Variants in IL7 observed in about 807,000 individuals in gnomAD.
IL7 encodes the protein interleukin-7.
IL7 carries 3 observed loss-of-function variants against 21.6 expected under a neutral mutation model. The observed-to-expected ratio is 0.14, with a 90% CI of 0.06 to 0.36. IL7 has a LOEUF of 0.36. IL7 is among the 10% of genes least tolerant of loss of function. The pLI, the probability that IL7 is intolerant of heterozygous loss-of-function variation, is 1.00. For missense variants in IL7, 175 were observed against 200.2 expected (o/e 0.87, Z 0.76); for synonymous variants, 62 against 68.1 (o/e 0.91, Z 0.44).
intron 3 of IL7, among the ~76,000 whole-genome samples, chr8:78,726,384 T>C (rs746356253): frequency 1.1e-4 from 17 of 151,870 alleles, no homozygotes; most frequent in Non-Finnish European, 1.9e-4. Context: ...ACCTCTGGAA[T>C]GGTGTGTGTG....
chr8:78,798,273 T>G, intron 1 of IL7, 65 bp from the exon 2 acceptor site: 1 of 1,154,424 alleles, frequency 8.7e-7, no homozygotes, highest in Non-Finnish European at 1.2e-6. Flanking sequence ...TTGTGGGGTT[T>G]CAATGGACTG....
intron 2 of IL7, among the ~76,000 whole-genome samples, chr8:78,788,000 C>T (rs1173676690): frequency 6.6e-6 from 1 of 152,116 alleles, no homozygotes; most frequent in Non-Finnish European, 1.5e-5. Context: ...TGCTGGCAAT[C>T]CTTGGTGTTC....
intron 3 of IL7, among the ~76,000 whole-genome samples, chr8:78,706,630 A>G (rs1222221813): frequency 2.0e-5 from 3 of 152,078 alleles, no homozygotes; most frequent in African/African-American, 7.2e-5. Flanking sequence ...CTGTGGGTCA[A>G]GTTGTTTCCT....
intron 5 of IL7, among the ~76,000 whole-genome samples, chr8:78,720,319 GGTAA>G (rs1488525414): frequency 2.6e-5 from 4 of 151,564 alleles, no homozygotes; most frequent in Non-Finnish European, 5.9e-5. Flanking sequence ...TATTTTACAT[GGTAA>G]GTATTTTTTA....
chr8:78,687,949 A>G (rs904273088), intron 3 of IL7, among the ~76,000 whole-genome samples: 1 of 143,758 alleles, frequency 7.0e-6, no homozygotes, highest in African/African-American at 2.5e-5. Context: ...TTATATATAA[A>G]CTATATCTAT....
intron 5 of IL7, among the ~76,000 whole-genome samples, chr8:78,720,819 A>G (rs1811222653): frequency 6.6e-6 from 1 of 151,972 alleles, no homozygotes; most frequent in African/African-American, 2.4e-5. Flanking sequence ...ACTCCTTGAA[A>G]TATTACTTTA....
chr8:78,702,754 T>C (rs1185996274), intron 3 of IL7, among the ~76,000 whole-genome samples: 3 of 152,198 alleles, frequency 2.0e-5, no homozygotes, highest in African/African-American at 7.2e-5. Context: ...TCAATTTATA[T>C]GTAGTTGTAG....
At chr8:78,758,159 G>A (rs1291934102) in intron 2 of IL7, among the ~76,000 whole-genome samples, 1 of 152,002 alleles carries the variant, frequency 6.6e-6, no homozygotes, top group Non-Finnish European at 1.5e-5. Flanking sequence ...TACCCATGAT[G>A]TGAATTTCTT....
chr8:78,764,442 A>T (rs1812684776), intron 2 of IL7, among the ~76,000 whole-genome samples: 1 of 152,068 alleles, frequency 6.6e-6, no homozygotes, highest in Non-Finnish European at 1.5e-5. Context: ...ATTTTTTTAA[A>T]TTGGTAAAAA....
Position 78,740,010 on chromosome 8 carries a change from C to T in IL7, c.220G>A (p.Ala74Thr), listed in dbSNP as rs770481768. 2.6e-6 allele frequency: 4 copies of T among 1,529,904 alleles called. No individual in the cohort carries two copies. Among genetic ancestry groups the T allele is most frequent in the Non-Finnish European group, 3.5e-6 (4 of 1,145,842 alleles). The allele number at this position is 1,529,904 out of a possible 1,614,324, so 94.8% of individuals were successfully genotyped here. ...CAAATAATTATCATTACCTTATTAG[C>T]ATCACAGATATGTCTTTTAAAAAAG... is the stretch of plus-strand genomic sequence containing the variant. ...FNFFKRHICD[A>T]NKEGMFLFRA... Residue 74 changes from alanine to threonine, a missense_variant, in exon 3 of 6, where the codon GCT becomes ACT. Ala to Thr is a moderately conservative substitution (Grantham distance 58). Coordinates refer to ENST00000263851, the MANE Select transcript of IL7 (RefSeq NM_000880.4).
intron 2 of IL7, among the ~76,000 whole-genome samples, chr8:78,746,160 A>G (rs1811971685): frequency 6.6e-6 from 1 of 152,208 alleles, no homozygotes; most frequent in Admixed American, 6.5e-5. Context: ...TCCTCTGTCC[A>G]TTAATGTTGA....
At chr8:78,769,961 C>T (rs1812895971) in intron 2 of IL7, among the ~76,000 whole-genome samples, 1 of 152,068 alleles carries the variant, frequency 6.6e-6, no homozygotes, top group Non-Finnish European at 1.5e-5. Flanking sequence ...ATAAATGGTG[C>T]TGGGAAAACT....
chr8:78,719,277 G>A (rs1811192579), intron 5 of IL7: 1 of 151,634 alleles, frequency 6.6e-6, no homozygotes, highest in South Asian at 2.1e-4. Flanking sequence ...CTCAAGGAAA[G>A]GATAGATAAA....
At chr8:78,749,469 T>C (rs572834388) in intron 2 of IL7, among the ~76,000 whole-genome samples, 252 of 151,006 alleles carry the variant, frequency 1.7e-3, no homozygotes, top group South Asian at 3.4e-3. Flanking sequence ...TGCCCTAAAG[T>C]TGGAGAGAAA....
At position 78,736,509 on chromosome 8, in the gene IL7, C is replaced by A. The variant is rs560710529; in HGVS notation, c.379G>T (p.Ala127Ser). The A allele has an allele frequency of 1.7e-5, 27 of 1,602,442 alleles. 1 individual carries two copies. In the South Asian group the frequency reaches 2.6e-4, roughly 15 times the overall value. ...GTTGGTTGGGCTTCACCCAGGGCAG[C>A]TGGTTTTCTTCCTTTAACCTTAAAA... ...CTGQVKGRKP[A>S]ALGEAQPTKS... The change falls in exon 5 of 6, where the codon GCT becomes TCT. Residue 127 changes from alanine to serine, a missense_variant. By Grantham distance (99) the Ala-to-Ser change is moderately conservative (BLOSUM62 1). Transcript: ENST00000263851.
At chr8:78,785,308 A>G (rs1184747786) in intron 2 of IL7, among the ~76,000 whole-genome samples, 1 of 152,136 alleles carries the variant, frequency 6.6e-6, no homozygotes, top group African/African-American at 2.4e-5. Flanking sequence ...GGTAGGAACA[A>G]TTATTCATAA....
chr8:78,729,493 T>C, downstream of IL7, among the ~76,000 whole-genome samples: 1 of 152,054 alleles, frequency 6.6e-6, no homozygotes, highest in East Asian at 1.9e-4. Context: ...CGAGTGAAAG[T>C]AACACCTTTC....
At chr8:78,786,104 T>A (rs1813501614) in intron 2 of IL7, among the ~76,000 whole-genome samples, 1 of 152,240 alleles carries the variant, frequency 6.6e-6, no homozygotes, top group African/African-American at 2.4e-5. Flanking sequence ...TATGTGTCAC[T>A]TAATGATAGG....
At chr8:78,715,579 A>C (rs1344959426), downstream of IL7, among the ~76,000 whole-genome samples, 1 of 152,210 alleles carries the variant, frequency 6.6e-6, no homozygotes, top group Non-Finnish European at 1.5e-5. Context: ...AAATATCCAC[A>C]TTAATAAGAG....
Sources: gnomAD v4.1 joint callset for allele counts (sites outside exome capture counted in the v4.1 genomes callset) on GRCh38, gnomAD v4.1.1 for gene constraint, MANE v1.5 for transcripts, NCBI Gene and HGNC (gene_info 2026-07-23, HGNC 2026-07-21) for gene names.